Variants in SIAH3 observed in about 807,000 individuals in gnomAD.
SIAH3 encodes seven in absentia homolog 3.
A neutral mutation model predicts 12.6 loss-of-function variants in SIAH3; 9 were observed. That is an observed-to-expected ratio of 0.72 (90% confidence interval 0.43 to 1.25). The LOEUF is 1.25. Ranked by LOEUF, SIAH3 falls within the 50% of genes most tolerant of loss-of-function variation. The pLI is 0.00. For synonymous variants in SIAH3, 154 were observed against 151.1 expected (o/e 1.02, Z -0.14); for missense variants, 390 against 365.4 (o/e 1.07, Z -0.55).
At chr13:45,814,732 C>CTTT (rs11386908) in intron 1 of SIAH3, among the ~76,000 whole-genome samples, 1 of 146,722 alleles carries the variant, frequency 6.8e-6, no homozygotes. Flanking sequence ...TTTGCCATTA[C>CTTT]TTTTTTTTTT....
At chr13:45,819,062 A>G (rs1950645475) in intron 1 of SIAH3, among the ~76,000 whole-genome samples, 1 of 152,130 alleles carries the variant, frequency 6.6e-6, no homozygotes, top group Non-Finnish European at 1.5e-5. Context: ...ACCCAGAGCC[A>G]CGAAAAGGGC....
chr13:45,820,808 G>A (rs1950653085), intron 1 of SIAH3, among the ~76,000 whole-genome samples: 2 of 152,160 alleles, frequency 1.3e-5, no homozygotes, highest in South Asian at 2.1e-4. Context: ...AGGGAACCAG[G>A]CAGCTCCTGG....
intron 1 of SIAH3, 151 bp from the exon 2 acceptor site, chr13:45,784,208 CA>C: frequency 7.5e-6 from 6 of 803,610 alleles, no homozygotes; most frequent in Admixed American, 2.6e-5. Flanking sequence ...AACAAACAAA[CA>C]AACAAAACCA....
chr13:45,809,594 C>G (rs573741006), intron 1 of SIAH3, among the ~76,000 whole-genome samples: 1 of 152,318 alleles, frequency 6.6e-6, no homozygotes, highest in South Asian at 2.1e-4. Context: ...CAAGAAGTCC[C>G]TACCTGCATT....
chr13:45,848,460 G>A (rs1950768235), intron 1 of SIAH3, among the ~76,000 whole-genome samples: 1 of 152,204 alleles, frequency 6.6e-6, no homozygotes, highest in Non-Finnish European at 1.5e-5. Context: ...ATGTCCCCAG[G>A]AAGGCTCTGC....
In SIAH3 at chr13:45,809,344, C is replaced by T. The variant is rs945036926; in HGVS notation, c.136-25287G>A. 2.0e-5 allele frequency among the ~76,000 whole-genome samples: 3 copies of T among 152,118 alleles called. No homozygotes were observed. In the East Asian group the frequency reaches 5.8e-4, roughly 29 times the overall value. Reference sequence around the variant, plus strand: ...CACGTGCTAGACATGTTTTTGTGTCCACAAATCTGCAGAATCAGAATCTCT... The same window carrying T: ...CACGTGCTAGACATGTTTTTGTGTCTACAAATCTGCAGAATCAGAATCTCT... On this transcript the variant is annotated intron_variant, in intron 1 of 1. Coordinates refer to ENST00000400405, the MANE Select transcript of SIAH3 (RefSeq NM_198849.3).
chr13:45,816,038 G>A (rs1300845408), intron 1 of SIAH3, among the ~76,000 whole-genome samples: 6 of 152,220 alleles, frequency 3.9e-5, no homozygotes, highest in Non-Finnish European at 7.3e-5. Flanking sequence ...CTAGAGGTGA[G>A]GAAACCGAGG....
intron 1 of SIAH3, among the ~76,000 whole-genome samples, chr13:45,843,799 G>A (rs771388004): frequency 2.0e-5 from 3 of 152,188 alleles, no homozygotes; most frequent in Non-Finnish European, 4.4e-5. Flanking sequence ...TGGGGAGTGT[G>A]GGGAGTCAAA....
chr13:45,787,981 C>G (rs1025970679), intron 1 of SIAH3, among the ~76,000 whole-genome samples: 3 of 152,210 alleles, frequency 2.0e-5, no homozygotes, highest in African/African-American at 2.4e-5. Context: ...CTTCCACTAG[C>G]CTTTTTGTTT....
At chr13:45,807,347 C>T (rs1410929055) in intron 1 of SIAH3, among the ~76,000 whole-genome samples, 2 of 150,320 alleles carry the variant, frequency 1.3e-5, no homozygotes, top group Non-Finnish European at 3.0e-5. Flanking sequence ...AGTCAGATTG[C>T]TGAAAAATAA....
intron 1 of SIAH3, among the ~76,000 whole-genome samples, chr13:45,837,353 C>G (rs1231032534): frequency 1.3e-5 from 2 of 152,154 alleles, no homozygotes; most frequent in Admixed American, 6.6e-5. Flanking sequence ...CAAACTCTTT[C>G]TCATTCCCAG....
At chr13:45,822,494 G>A (rs1416857308) in intron 1 of SIAH3, among the ~76,000 whole-genome samples, 1 of 124,804 alleles carries the variant, frequency 8.0e-6, no homozygotes, top group Non-Finnish European at 1.6e-5. Flanking sequence ...ATGCTGTGAA[G>A]AAGTGAGCTA....
At chr13:45,800,809 C>T (rs974863392) in intron 1 of SIAH3, among the ~76,000 whole-genome samples, 3 of 152,166 alleles carry the variant, frequency 2.0e-5, no homozygotes, top group South Asian at 2.1e-4. Context: ...TGGGTCACCT[C>T]GTTTGTTGTT....
At chr13:45,851,386 G>T in intron 1 of SIAH3, 109 bp downstream of exon 1, 1 of 1,455,964 alleles carries the variant, frequency 6.9e-7, no homozygotes, top group Non-Finnish European at 9.4e-7. Context: ...CCCAGCCCCC[G>T]AGACCCGGGT....
At chr13:45,850,924 CA>C (rs1208453602) in intron 1 of SIAH3, among the ~76,000 whole-genome samples, 1 of 32,408 alleles carries the variant, frequency 3.1e-5, no homozygotes, top group East Asian at 1.1e-3. Context: ...CGACACCACA[CA>C]CACACACACA....
intron 1 of SIAH3, among the ~76,000 whole-genome samples, chr13:45,826,924 G>A (rs1234781709): frequency 2.6e-5 from 4 of 152,146 alleles, no homozygotes; most frequent in African/African-American, 4.8e-5. Context: ...GTCTCTGGGC[G>A]ATGTACACAT....
intron 1 of SIAH3, among the ~76,000 whole-genome samples, chr13:45,811,914 T>G (rs1950617681): frequency 6.6e-6 from 1 of 152,176 alleles, no homozygotes; most frequent in South Asian, 2.1e-4. Context: ...CAGACAACTT[T>G]CAGCCTGGTT....
chr13:45,791,210 TCTC>T (rs1950544716), intron 1 of SIAH3, among the ~76,000 whole-genome samples: 1 of 152,096 alleles, frequency 6.6e-6, no homozygotes. Flanking sequence ...GGTAGCCTTT[TCTC>T]CTCAACTAGG....
chr13:45,818,659 C>T (rs1413492140), intron 1 of SIAH3, among the ~76,000 whole-genome samples: 1 of 152,258 alleles, frequency 6.6e-6, no homozygotes, highest in Non-Finnish European at 1.5e-5. Flanking sequence ...TTTCTCTGTT[C>T]TGTCTTCACA....
Sources: allele counts gnomAD v4.1 joint callset (sites outside exome capture counted in the v4.1 genomes callset), GRCh38; gene constraint gnomAD v4.1.1; transcripts MANE v1.5; gene names NCBI Gene and HGNC (gene_info 2026-07-23, HGNC 2026-07-21).